The following ARHGAP17 variants were observed in gnomAD, a reference collection of about 807,000 sequenced individuals.
The protein encoded by ARHGAP17 is Rho GTPase activating protein 17.
A neutral mutation model predicts 99.5 loss-of-function variants in ARHGAP17; 57 were observed. That is an observed-to-expected ratio of 0.57 (90% CI 0.46 to 0.71). The LOEUF is 0.71. ARHGAP17 is among the 30% of genes least tolerant of loss of function. ARHGAP17 has a pLI of 0.00. For synonymous variants in ARHGAP17, 417 were observed against 429.6 expected (o/e 0.97, Z 0.36); for missense variants, 1,000 against 1,122.4 (o/e 0.89, Z 1.56).
chr16:24,973,115 G>C (rs547878737), intron 3 of ARHGAP17, among the ~76,000 whole-genome samples: 1 of 152,276 alleles, frequency 6.6e-6, no homozygotes, highest in South Asian at 2.1e-4. Flanking sequence ...GATTACAGGA[G>C]TGCAGCACCA....
intron 19 of ARHGAP17, 166 bp downstream of exon 19, chr16:24,930,617 TG>T: frequency 8.8e-7 from 1 of 1,132,796 alleles, no homozygotes; most frequent in South Asian, 1.2e-5. Flanking sequence ...GGTGTAGCTG[TG>T]TTCCAATAAA....
At chr16:24,981,192 A>AAAC (rs780414085) in intron 1 of ARHGAP17, among the ~76,000 whole-genome samples, 1 of 152,208 alleles carries the variant, frequency 6.6e-6, no homozygotes, top group Non-Finnish European at 1.5e-5. Context: ...TCAAAAACAT[A>AAAC]AACAACTGCA....
intron 17 of ARHGAP17, among the ~76,000 whole-genome samples, chr16:24,938,497 C>T (rs969863599): frequency 8.6e-5 from 13 of 152,034 alleles, no homozygotes; most frequent in African/African-American, 2.9e-4. Context: ...GGCATGGTGG[C>T]TCATGCCTGT....
intron 12 of ARHGAP17, among the ~76,000 whole-genome samples, chr16:24,950,060 G>A (rs566411278): frequency 4.3e-4 from 66 of 152,266 alleles, no homozygotes; most frequent in Admixed American, 3.7e-3. Flanking sequence ...TGTAGAGCAC[G>A]GCCAACTCTG....
chr16:24,935,673 C>T (rs1278557359), intron 17 of ARHGAP17, 34 bp from the exon 18 acceptor site: 1 of 1,604,518 alleles, frequency 6.2e-7, no homozygotes, highest in Non-Finnish European at 8.5e-7. Context: ...AGACGTCAGA[C>T]AATCCCAGCT....
At chr16:24,933,806 G>T (rs74603567) in intron 18 of ARHGAP17, among the ~76,000 whole-genome samples, 2 of 152,004 alleles carry the variant, frequency 1.3e-5, no homozygotes, top group African/African-American at 4.8e-5. Context: ...GGCGCAGGGG[G>T]TGGGGAAGGA....
chr16:24,932,684 A>G (rs1288316549), intron 18 of ARHGAP17, among the ~76,000 whole-genome samples: 5 of 152,080 alleles, frequency 3.3e-5, no homozygotes, highest in African/African-American at 4.8e-5. Flanking sequence ...TTATTTCTCT[A>G]AAGAGAGCTG....
rs771751465 is a variant in ARHGAP17 at position 24,949,529 on chromosome 16, A to ATTATC, written c.1047-50_1047-46dup. 3.3e-6 allele frequency: 5 copies of ATTATC among 1,511,076 alleles called. No individual in the cohort carries two copies. The Admixed American group carries it at 8.9e-5, about 27-fold the overall frequency. The allele number at this position is 1,511,076 out of a possible 1,614,324, so 93.6% of individuals were successfully genotyped here. A position where few individuals can be genotyped will look rare whatever the true frequency, so the allele number is the denominator to read the frequency against. On this transcript the variant is annotated intron_variant, in intron 12 of 19. Coordinates refer to ENST00000289968, the MANE Select transcript of ARHGAP17 (RefSeq NM_001006634.3). ...AGTACAACAACTTATTAAGACACCA[A>ATTATC]TTATCTTATTAATATGCTATGTTAA... is the stretch of plus-strand genomic sequence containing the variant.
chr16:24,983,107 T>C (rs1399365004), intron 1 of ARHGAP17, among the ~76,000 whole-genome samples: 3 of 148,806 alleles, frequency 2.0e-5, no homozygotes, highest in African/African-American at 7.5e-5. Context: ...TGGGCTCTAG[T>C]GATACTCCCA....
chr16:24,964,331 G>GC, intron 6 of ARHGAP17, 23 bp from the exon 7 acceptor site: 1 of 1,527,624 alleles, frequency 6.5e-7, no homozygotes, highest in East Asian at 2.2e-5. Context: ...GGGGTCACCA[G>GC]CATCTGAGAA....
chr16:24,950,601 G>A (rs998548216), intron 12 of ARHGAP17, among the ~76,000 whole-genome samples: 1 of 152,120 alleles, frequency 6.6e-6, no homozygotes, highest in Non-Finnish European at 1.5e-5. Context: ...TTGGGAGGCC[G>A]AGGCAGGCAG....
chr16:25,006,449 CAA>C (rs1032093076), intron 1 of ARHGAP17, among the ~76,000 whole-genome samples: 21 of 74,448 alleles, frequency 2.8e-4, no homozygotes, highest in Non-Finnish European at 3.1e-4. Context: ...GACTCCGTCT[CAA>C]AAAAAAAAAA....
In ARHGAP17 at chr16:24,977,131, A is replaced by T. The variant is rs114278051; in HGVS notation, c.198+84T>A. ...CACCAAAGGCTGATCCACTGATGCC[A>T]CTTAGGACAACCAACCAATCCAGGG... is the stretch of plus-strand genomic sequence containing the variant. On this transcript the variant is annotated intron_variant, in intron 3 of 19. Transcript: ENST00000289968. 3,412 of 1,130,200 alleles carry T rather than the reference A, an allele frequency of 3.0e-3. 85 individuals carry two copies. The African/African-American group carries it at 0.049, about 16-fold the overall frequency. The allele number at this position is 1,130,200 out of a possible 1,614,324, so 70.0% of individuals were successfully genotyped here.
chr16:24,974,114 T>G (rs569638620), intron 3 of ARHGAP17, among the ~76,000 whole-genome samples: 9 of 152,354 alleles, frequency 5.9e-5, no homozygotes, highest in Admixed American at 1.3e-4. Context: ...TGTGTGGAAC[T>G]ATTTCACCAG....
chr16:25,008,274 C>A (rs915559651), intron 1 of ARHGAP17, among the ~76,000 whole-genome samples: 1 of 152,118 alleles, frequency 6.6e-6, no homozygotes, highest in South Asian at 2.1e-4. Flanking sequence ...CATGCATATC[C>A]ATTCAGTGGG....
At chr16:24,996,326 T>C (rs1230044619) in intron 1 of ARHGAP17, among the ~76,000 whole-genome samples, 1 of 152,162 alleles carries the variant, frequency 6.6e-6, no homozygotes, top group Admixed American at 6.5e-5. Context: ...TATTATAAAA[T>C]CAACTGATCA....
intron 12 of ARHGAP17, among the ~76,000 whole-genome samples, chr16:24,950,853 A>AAG (rs1555462253): frequency 3.3e-5 from 5 of 150,490 alleles, no homozygotes; most frequent in Non-Finnish European, 4.4e-5. Context: ...AAAAAAAAAA[A>AAG]AAAAAGAAAA....
intron 19 of ARHGAP17, among the ~76,000 whole-genome samples, chr16:24,921,724 G>T (rs2050723758): frequency 6.6e-6 from 1 of 152,208 alleles, no homozygotes. Flanking sequence ...ACAACTCAGA[G>T]AAATTTCTAG....
chr16:24,978,104 T>A (rs1438863934), intron 2 of ARHGAP17, among the ~76,000 whole-genome samples: 1 of 152,172 alleles, frequency 6.6e-6, no homozygotes, highest in Non-Finnish European at 1.5e-5. Flanking sequence ...AGATTCCACA[T>A]TACCTTCCCC....
Sources: gnomAD v4.1 joint callset for allele counts (sites outside exome capture counted in the v4.1 genomes callset) on GRCh38, gnomAD v4.1.1 for gene constraint, MANE v1.5 for transcripts, NCBI Gene and HGNC (gene_info 2026-07-23, HGNC 2026-07-21) for gene names.